The following NAV2 variants were observed in gnomAD, a reference collection of about 807,000 sequenced individuals.
The protein encoded by NAV2 is helicase, APC down-regulated 1.
In NAV2, 54 loss-of-function variants were observed where a neutral mutation model predicts 223.2. The observed-to-expected ratio is 0.24, with a 90% CI of 0.19 to 0.30. The LOEUF (loss-of-function observed/expected upper bound fraction) is 0.30, where lower values mean the gene tolerates loss of function less well. NAV2 is among the 10% of genes least tolerant of loss of function. The pLI, the probability that NAV2 is intolerant of heterozygous loss-of-function variation, is 1.00. For synonymous variants in NAV2, 1,279 were observed against 1,239.3 expected, an observed-to-expected ratio of 1.03 and a Z score of -0.67; for missense variants, 2,806 against 3,147.5, an observed-to-expected ratio of 0.89 and a Z score of 2.60.
intron 1 of NAV2, among the ~76,000 whole-genome samples, chr11:19,528,660 G>A (rs7114103): frequency 5.3e-5 from 8 of 152,136 alleles, no homozygotes; most frequent in Non-Finnish European, 7.3e-5. Flanking sequence ...GGCCGGGCAC[G>A]GTGGCTTATG....
intron 1 of NAV2, among the ~76,000 whole-genome samples, chr11:19,665,669 C>T (rs1338592514): frequency 6.6e-6 from 1 of 152,154 alleles, no homozygotes; most frequent in Non-Finnish European, 1.5e-5. Context: ...CATTTGAGGA[C>T]AAGCCTATCT....
At position 19,770,935 on chromosome 11, in the gene NAV2, G is replaced by C. The variant is rs141779484; in HGVS notation, c.267+56973G>C. On this transcript the variant is annotated intron_variant, in intron 1 of 37. Transcript: ENST00000349880. ...GATTTCTTCGTGAGGTCTCACTCAA[G>C]ATGCCTGTATGCCTAGTATTTTTGG... Among the ~76,000 whole-genome samples the C allele has an allele frequency of 5.9e-5, 9 of 152,300 alleles. No individual in the cohort carries two copies. The East Asian group carries it at 1.4e-3, about 23-fold the overall frequency.
At chr11:19,406,361 C>T (rs897224159) in intron 1 of NAV2, among the ~76,000 whole-genome samples, 4 of 152,154 alleles carry the variant, frequency 2.6e-5, no homozygotes, top group African/African-American at 9.7e-5. Flanking sequence ...GAAGACTAAA[C>T]AATACGAATG....
chr11:19,750,260 G>A (rs1034008251), intron 1 of NAV2, among the ~76,000 whole-genome samples: 5 of 152,142 alleles, frequency 3.3e-5, no homozygotes, highest in Non-Finnish European at 4.4e-5. Flanking sequence ...CACATGCAAG[G>A]TTTGGCAGAA....
rs552478910 is a variant in NAV2, at chr11:19,456,715, T to C, written c.75+105688T>C. Among the ~76,000 whole-genome samples, 4 of 152,252 alleles carry C rather than the reference T, an allele frequency of 2.6e-5. No homozygotes were observed. In the East Asian group the frequency reaches 7.7e-4, roughly 29 times the overall value. ...AACATGTCTGACCTCCCAGGTAAAA[T>C]TGTTAGAGGTGGGATTTGAACCCAG... On this transcript the variant is annotated intron_variant, in intron 1 of 37. Coordinates refer to the NAV2 transcript ENST00000360655.
intron 6 of NAV2, among the ~76,000 whole-genome samples, chr11:19,912,598 T>C (rs978349473): frequency 1.3e-5 from 2 of 152,228 alleles, no homozygotes; most frequent in African/African-American, 4.8e-5. Context: ...ATACTCATTG[T>C]CATGAAGACC....
intron 1 of NAV2, among the ~76,000 whole-genome samples, chr11:19,660,336 G>A (rs2048242806): frequency 6.6e-6 from 1 of 152,156 alleles, no homozygotes; most frequent in East Asian, 1.9e-4. Context: ...CACCTGTCTG[G>A]TTTCTTTTCT....
chr11:19,469,852 G>A (rs2702633), intron 1 of NAV2, among the ~76,000 whole-genome samples: 23,349 of 152,204 alleles, frequency 0.15, 1,911 homozygotes, highest in East Asian at 0.23. Context: ...GGCAAGCAAA[G>A]CCCCACAAGA....
intron 11 of NAV2, among the ~76,000 whole-genome samples, chr11:19,999,206 T>C (rs1299800517): frequency 6.6e-6 from 1 of 152,210 alleles, no homozygotes; most frequent in Non-Finnish European, 1.5e-5. Flanking sequence ...AAATCAACCC[T>C]GCTGTTGTGG....
chr11:20,005,254 T>TATATATATATA (rs1491300791), intron 11 of NAV2, among the ~76,000 whole-genome samples: 1 of 22,738 alleles, frequency 4.4e-5, no homozygotes, highest in African/African-American at 8.1e-5. Flanking sequence ...TATATATATA[T>TATATATATATA]TTTTTTTTTT....
rs961160812 is a variant in NAV2 at position 20,027,350 on chromosome 11, C to T, written c.2769-8609C>T. 7 of 985,310 alleles carry T rather than the reference C, an allele frequency of 7.1e-6. No homozygotes were observed. In the African/African-American group the frequency reaches 8.7e-5, roughly 12 times the overall value. 61.0% of individuals were successfully genotyped at this position (985,310 alleles called of 1,614,324 possible). ...ATTGCCTTGAACAATAGCCAGAAAA[C>T]GAGTTCCACCAGTCTGGACTTTTTT... On this transcript the variant is annotated intron_variant, in intron 11 of 37. Coordinates refer to ENST00000349880, the MANE Select transcript of NAV2 (RefSeq NM_145117.5).
At chr11:20,011,441 A>G (rs1232955298) in intron 11 of NAV2, among the ~76,000 whole-genome samples, 3 of 152,224 alleles carry the variant, frequency 2.0e-5, no homozygotes, top group African/African-American at 7.2e-5. Context: ...TTTTTGAAAG[A>G]CCAAACATGT....
At chr11:19,810,789 T>C (rs541537156) in intron 1 of NAV2, among the ~76,000 whole-genome samples, 26 of 152,028 alleles carry the variant, frequency 1.7e-4, no homozygotes, top group Non-Finnish European at 2.9e-4. Flanking sequence ...CCTGGGATTT[T>C]GGCATCTGTA....
chr11:19,755,568 A>G (rs1170566856), intron 1 of NAV2, among the ~76,000 whole-genome samples: 1 of 152,152 alleles, frequency 6.6e-6, no homozygotes, highest in Non-Finnish European at 1.5e-5. Flanking sequence ...GCCTCTGGGG[A>G]AGGACTCGCT....
intron 22 of NAV2, 119 bp downstream of exon 22, chr11:20,068,517 C>T (rs999770348): frequency 1.3e-6 from 1 of 755,526 alleles, no homozygotes; most frequent in East Asian, 2.6e-5. Flanking sequence ...GAAAAAGACA[C>T]AGGCTTTGGC....
chr11:19,803,389 T>G (rs779314077), intron 1 of NAV2, among the ~76,000 whole-genome samples: 20 of 152,204 alleles, frequency 1.3e-4, no homozygotes, highest in Non-Finnish European at 2.4e-4. Context: ...CTGCAGAGGT[T>G]ACCTTGGGGG....
intron 12 of NAV2, 25 bp from the exon 13 acceptor site, chr11:20,043,956 T>G (rs1464972751): frequency 6.9e-6 from 11 of 1,601,568 alleles, no homozygotes; most frequent in Non-Finnish European, 9.4e-6. Flanking sequence ...GGGGAAGGAC[T>G]AATTCAGAGA....
intron 1 of NAV2, among the ~76,000 whole-genome samples, chr11:19,736,169 C>A (rs1191344412): frequency 3.3e-5 from 5 of 152,198 alleles, no homozygotes; most frequent in African/African-American, 1.2e-4. Flanking sequence ...CAACTAGCTC[C>A]AGACACAAAC....
At chr11:19,595,040 C>T (rs567324691) in intron 1 of NAV2, among the ~76,000 whole-genome samples, 4 of 152,094 alleles carry the variant, frequency 2.6e-5, no homozygotes, top group Admixed American at 6.5e-5. Context: ...TCCCAGGAAG[C>T]GATGTGAGAG....
Sources: gnomAD v4.1 joint callset for allele counts (sites outside exome capture counted in the v4.1 genomes callset) on GRCh38, gnomAD v4.1.1 for gene constraint, MANE v1.5 for transcripts, NCBI Gene and HGNC (gene_info 2026-07-23, HGNC 2026-07-21) for gene names.